Variants in COL27A1 observed in about 807,000 individuals in gnomAD.
COL27A1 encodes the protein collagen alpha-1(XXVII) chain.
Under a neutral mutation model 251.3 loss-of-function variants are expected in COL27A1, and 106 were observed. The observed-to-expected ratio is 0.42, with a 90% CI of 0.36 to 0.50. COL27A1 has a LOEUF of 0.50. Ranked by LOEUF, COL27A1 falls within the 20% of genes least tolerant of loss-of-function variation. The pLI is 0.00. For synonymous variants in COL27A1, 1,000 were observed against 986.3 expected (o/e 1.01, Z -0.26); for missense variants, 2,325 against 2,522.8 (o/e 0.92, Z 1.68).
intron 7 of COL27A1, among the ~76,000 whole-genome samples, chr9:114,197,169 T>C (rs1190285042): frequency 6.6e-6 from 1 of 152,130 alleles, no homozygotes; most frequent in African/African-American, 2.4e-5. Context: ...CCTACCACTG[T>C]GTCTTAAGCT....
rs185750584 is a variant in COL27A1 at position 114,166,824 on chromosome 9, C to T, written c.134-865C>T. ...AAGCCCTGCTGACATAATTATTGGGCGGATGTGACCTGGCCAGACCACAGT... is the reference window on the plus strand; with the variant it reads ...AAGCCCTGCTGACATAATTATTGGGTGGATGTGACCTGGCCAGACCACAGT... On this transcript the variant is annotated intron_variant, in intron 2 of 60. Transcript: ENST00000356083. Among the ~76,000 whole-genome samples, 118 of 152,326 alleles carry T rather than the reference C, an allele frequency of 7.7e-4. 1 individual carries two copies. Among genetic ancestry groups the T allele is most frequent in the Admixed American group, 7.1e-3 (108 of 15,304 alleles).
At chr9:114,187,471 T>C (rs1325736764) in intron 5 of COL27A1, among the ~76,000 whole-genome samples, 1 of 152,246 alleles carries the variant, frequency 6.6e-6, no homozygotes, top group Non-Finnish European at 1.5e-5. Flanking sequence ...TTACCCCCAT[T>C]TTACAGATGA....
At chr9:114,261,371 C>T (rs1379906227) in intron 28 of COL27A1, among the ~76,000 whole-genome samples, 2 of 152,170 alleles carry the variant, frequency 1.3e-5, no homozygotes, top group South Asian at 2.1e-4. Flanking sequence ...GCAGGCGGGG[C>T]GGGGGTGGGC....
At position 114,155,900 on chromosome 9, in the gene COL27A1, GC is replaced by G. The variant is rs1464084965; in HGVS notation, c.-50del. 1.5e-4 allele frequency: 173 copies of G among 1,183,898 alleles called. No homozygotes were observed. The highest frequency in any genetic ancestry group is 1.7e-4 in the Non-Finnish European group (165 of 954,892). 73.3% of individuals were successfully genotyped at this position (1,183,898 alleles called of 1,614,324 possible). On this transcript the variant is annotated 5_prime_UTR_variant, in exon 1 of 61. An upstream open reading frame in the 5' UTR loses its in-frame stop. Transcript: ENST00000356083. This position sits in a 1 kb window ranked among gnomAD's most constrained non-coding sequence, Gnocchi z 5.5. ...GGCGGGGGGCTGGCGGCCCCATGGG[GC>G]GCGCCCACACTTGCCCCCCGGGCTC...
At position 114,290,007 on chromosome 9, in the gene COL27A1, G is replaced by T. The variant is rs1171107669; in HGVS notation, c.4207-51G>T. The T allele has an allele frequency of 1.3e-6, 2 of 1,596,934 alleles. No homozygotes were observed. Among genetic ancestry groups the T allele is most frequent in the African/African-American group, 2.7e-5 (2 of 74,536 alleles). The stretch of plus-strand genomic sequence containing the variant: ...AGTCCCTCCTTCCAGAGCCCCTAGG[G>T]TCCCACACCTCTACCAGGCAGCCTC... On this transcript the variant is annotated intron_variant, in intron 45 of 60. Coordinates refer to ENST00000356083, the MANE Select transcript of COL27A1 (RefSeq NM_032888.4). The surrounding 1 kb of genome is among the most constrained non-coding windows in gnomAD (Gnocchi z 4.6).
intron 59 of COL27A1, among the ~76,000 whole-genome samples, chr9:114,308,974 A>G (rs1024781023): frequency 6.6e-6 from 1 of 151,542 alleles, no homozygotes; most frequent in Non-Finnish European, 1.5e-5. Context: ...CAGCCCAAAG[A>G]CCCCCCATAC....
chr9:114,156,876 G>T (rs1848153940), intron 1 of COL27A1, among the ~76,000 whole-genome samples: 1 of 152,100 alleles, frequency 6.6e-6, no homozygotes, highest in African/African-American at 2.4e-5. Flanking sequence ...CAAGCAGCCC[G>T]TTGGGGCCTG....
At chr9:114,293,952 A>G (rs1828086673) in intron 49 of COL27A1, among the ~76,000 whole-genome samples, 1 of 152,088 alleles carries the variant, frequency 6.6e-6, no homozygotes, top group African/African-American at 2.4e-5. Flanking sequence ...AAAAGAAATA[A>G]TAACGGCTGG....
intron 28 of COL27A1, among the ~76,000 whole-genome samples, chr9:114,261,755 G>A (rs1233605443): frequency 7.3e-6 from 1 of 136,254 alleles, no homozygotes; most frequent in Admixed American, 7.9e-5. Flanking sequence ...GTGACAGGTA[G>A]TGGTGAAAAA....
In COL27A1 at chr9:114,264,339, C is replaced by T. The variant is rs1289978526; in HGVS notation, c.3196-16C>T. 6.3e-7 allele frequency: 1 copy of T among 1,584,368 alleles called. No homozygotes were observed. Among genetic ancestry groups the T allele is most frequent in the African/African-American group, 1.3e-5 (1 of 74,374 alleles). On this transcript the variant is annotated splice_polypyrimidine_tract_variant and intron_variant, in intron 28 of 60. Coordinates refer to ENST00000356083, the MANE Select transcript of COL27A1 (RefSeq NM_032888.4). ...CCCCTGCTGTCCGGTGTGCTAGTCC[C>T]TTTTTCCTATTCCAGGGCCCCCGAG... is the stretch of plus-strand genomic sequence containing the variant.
At chr9:114,305,982 G>C (rs1440377498) in intron 57 of COL27A1, among the ~76,000 whole-genome samples, 3 of 152,180 alleles carry the variant, frequency 2.0e-5, no homozygotes, top group Non-Finnish European at 4.4e-5. Context: ...ATGGCCGGCT[G>C]TTTAGCATCT....
rs932122547 is a variant in COL27A1 at position 114,168,988 on chromosome 9, C to T, written c.1433C>T (p.Thr478Ile). 1.2e-6 allele frequency: 2 copies of T among 1,614,184 alleles called. No homozygotes were observed. The highest frequency in any genetic ancestry group is 1.7e-5 in the Admixed American group (1 of 60,022). The change falls in exon 3 of 61, where the codon ACC becomes ATC. Residue 478 changes from threonine (T) to isoleucine (I), a missense_variant. By Grantham distance (89) the Thr-to-Ile change is moderately conservative. Coordinates refer to ENST00000356083, the MANE Select transcript of COL27A1 (RefSeq NM_032888.4). ...ASKPASARTSTHKPPPFTALS... is the reference protein window; with the variant it reads ...ASKPASARTSIHKPPPFTALS... ...AAGCCGGCCTCTGCCCGCACCAGCA[C>T]CCACAAACCTCCCCCATTTACTGCT...
intron 24 of COL27A1, among the ~76,000 whole-genome samples, chr9:114,249,150 T>C (rs1288179527): frequency 2.6e-5 from 4 of 152,160 alleles, no homozygotes; most frequent in Non-Finnish European, 5.9e-5. Flanking sequence ...GACAGTTACA[T>C]AGATAAAGTG....
chr9:114,198,679 A>G (rs982648897), intron 7 of COL27A1, among the ~76,000 whole-genome samples: 2 of 151,954 alleles, frequency 1.3e-5, no homozygotes, highest in African/African-American at 2.4e-5. Context: ...GACAGTGTCC[A>G]TCTGGTAAAA....
At chr9:114,235,969 A>T (rs955736640) in intron 17 of COL27A1, among the ~76,000 whole-genome samples, 12 of 151,948 alleles carry the variant, frequency 7.9e-5, no homozygotes, top group Non-Finnish European at 1.8e-4. Context: ...TTGCTCTCAG[A>T]ATGACACCCT....
chr9:114,166,162 C>T (rs1473029545), intron 2 of COL27A1, among the ~76,000 whole-genome samples: 2 of 148,578 alleles, frequency 1.3e-5, no homozygotes, highest in South Asian at 2.2e-4. Context: ...CATCCATCTA[C>T]CTGTTCACCT....
chr9:114,198,362 G>T (rs1449770641), intron 7 of COL27A1, among the ~76,000 whole-genome samples: 6 of 152,206 alleles, frequency 3.9e-5, no homozygotes, highest in African/African-American at 1.4e-4. Flanking sequence ...AAGGGCTATG[G>T]AGAAAAATTA....
At chr9:114,263,150 G>T (rs956639669) in intron 28 of COL27A1, among the ~76,000 whole-genome samples, 1 of 152,018 alleles carries the variant, frequency 6.6e-6, no homozygotes. Flanking sequence ...TGTTGGTCAG[G>T]CTGGTCTTGA....
At chr9:114,232,660 G>A (rs1485617515) in intron 16 of COL27A1, among the ~76,000 whole-genome samples, 1 of 152,240 alleles carries the variant, frequency 6.6e-6, no homozygotes, top group African/African-American at 2.4e-5. Context: ...CACCGCACCT[G>A]TCTCTAGGTG....
Sources: allele counts gnomAD v4.1 joint callset (sites outside exome capture counted in the v4.1 genomes callset), GRCh38; gene constraint gnomAD v4.1.1; non-coding constraint Gnocchi (gnomAD v3.1); transcripts MANE v1.5; gene names NCBI Gene and HGNC (gene_info 2026-07-23, HGNC 2026-07-21).